The following TSPAN9 variants were observed in gnomAD, a reference collection of about 807,000 sequenced individuals.
TSPAN9 encodes tetraspanin-9.
In TSPAN9, 16 loss-of-function variants were observed where a neutral mutation model predicts 31.0. That is an observed-to-expected ratio of 0.52 (90% confidence interval 0.35 to 0.78). The LOEUF is 0.78. TSPAN9 is among the 30% of genes least tolerant of loss of function. The pLI is 0.01. For missense variants in TSPAN9, 272 were observed against 312.5 expected, an observed-to-expected ratio of 0.87 and a Z score of 0.98; for synonymous variants, 145 against 121.6, an observed-to-expected ratio of 1.19 and a Z score of -1.27.
intron 7 of TSPAN9, 117 bp from the exon 8 acceptor site, chr12:3,281,617 G>A: frequency 7.9e-7 from 1 of 1,263,446 alleles, no homozygotes; most frequent in Non-Finnish European, 1.1e-6. Context: ...GCTGAGGCCA[G>A]GGAGGGCTGG....
intron 2 of TSPAN9, among the ~76,000 whole-genome samples, chr12:3,134,258 T>G (rs955245639): frequency 6.6e-6 from 1 of 152,062 alleles, no homozygotes; most frequent in African/African-American, 2.4e-5. Flanking sequence ...AATGAATGGG[T>G]GATGGGTTGA....
At chr12:3,183,990 A>G (rs2098359775) in intron 2 of TSPAN9, among the ~76,000 whole-genome samples, 1 of 152,152 alleles carries the variant, frequency 6.6e-6, no homozygotes, top group South Asian at 2.1e-4. Context: ...TACAGTTATA[A>G]TAGAAATGTC....
intron 2 of TSPAN9, among the ~76,000 whole-genome samples, chr12:3,195,774 G>C (rs1451419837): frequency 1.3e-5 from 2 of 152,192 alleles, no homozygotes; most frequent in Non-Finnish European, 2.9e-5. Context: ...GCCATGCAAG[G>C]CTTCACAGGG....
intron 3 of TSPAN9, among the ~76,000 whole-genome samples, chr12:3,252,197 C>T (rs769766718): frequency 6.6e-5 from 10 of 152,188 alleles, no homozygotes; most frequent in East Asian, 1.9e-4. Context: ...TAAGACCAGA[C>T]GCCTCTAGTT....
intron 3 of TSPAN9, among the ~76,000 whole-genome samples, chr12:3,276,637 G>T (rs1371832264): frequency 6.6e-6 from 1 of 152,140 alleles, no homozygotes; most frequent in Non-Finnish European, 1.5e-5. Context: ...GTTATTTTCT[G>T]GCTCTTTACA....
chr12:3,201,920 G>A (rs542759393), intron 3 of TSPAN9, among the ~76,000 whole-genome samples: 1 of 152,306 alleles, frequency 6.6e-6, no homozygotes, highest in East Asian at 1.9e-4. Context: ...GCTTTTGAGG[G>A]ATTGCAGTGG....
intron 2 of TSPAN9, among the ~76,000 whole-genome samples, chr12:3,119,028 G>C (rs962900609): frequency 6.6e-6 from 1 of 152,152 alleles, no homozygotes; most frequent in African/African-American, 2.4e-5. Flanking sequence ...ACCGCCTTTG[G>C]GACACTATCA....
At chr12:3,214,325 A>G (rs2098380252) in intron 3 of TSPAN9, among the ~76,000 whole-genome samples, 1 of 152,220 alleles carries the variant, frequency 6.6e-6, no homozygotes, top group Non-Finnish European at 1.5e-5. Flanking sequence ...AGGTGGTGAC[A>G]CTGAAAGGGG....
At chr12:3,163,378 G>T (rs906975990) in intron 2 of TSPAN9, among the ~76,000 whole-genome samples, 2 of 152,158 alleles carry the variant, frequency 1.3e-5, no homozygotes. Context: ...TCTACCCCAT[G>T]GTAAGATATT....
Position 3,109,137 on chromosome 12 carries a change from C to T in TSPAN9, c.-18+25418C>T, listed in dbSNP as rs79124512. ...TTTTTAGTAGAGACGGGGGTTTCACCGTGTTAGCCAGGATGGTCTCGATCT... is the reference window on the plus strand; with the variant it reads ...TTTTTAGTAGAGACGGGGGTTTCACTGTGTTAGCCAGGATGGTCTCGATCT... On this transcript the variant is annotated intron_variant, in intron 2 of 8. Transcript: ENST00000011898. Among the ~76,000 whole-genome samples, 396 of 151,930 alleles carry T rather than the reference C, an allele frequency of 2.6e-3. 9 individuals are homozygous for T. In the East Asian group the frequency reaches 0.043, roughly 17 times the overall value.
At position 3,198,755 on chromosome 12, in the gene TSPAN9, C is replaced by G. The variant is rs879233825; in HGVS notation, c.-17-2422C>G. ...CCAGCACAGGCCACCACCAGCACAG[C>G]TCACCACCAGCACAGGCCACCACCA... is the stretch of plus-strand genomic sequence containing the variant. On this transcript the variant is annotated intron_variant, in intron 2 of 8. Transcript: ENST00000011898. Among the ~76,000 whole-genome samples the G allele has an allele frequency of 9.8e-3, 354 of 35,948 alleles. 7 individuals are homozygous for G. Among genetic ancestry groups the G allele is most frequent in the Non-Finnish European group, 0.015 (242 of 16,224 alleles). 23.6% of individuals were successfully genotyped at this position (35,948 alleles called of 152,430 possible). A position where few individuals can be genotyped will look rare whatever the true frequency, so the allele number is the denominator to read the frequency against.
chr12:3,278,303 C>T, intron 3 of TSPAN9, 118 bp from the exon 4 acceptor site: 1 of 1,427,116 alleles, frequency 7.0e-7, no homozygotes, highest in South Asian at 1.3e-5. Context: ...CCGTTCTCAC[C>T]TTGTCGGTTC....
At chr12:3,166,011 C>T (rs1031021849) in intron 2 of TSPAN9, among the ~76,000 whole-genome samples, 3 of 151,998 alleles carry the variant, frequency 2.0e-5, no homozygotes, top group Non-Finnish European at 4.4e-5. Flanking sequence ...GGGAAGTGGC[C>T]GAGGTGTGGG....
intron 2 of TSPAN9, among the ~76,000 whole-genome samples, chr12:3,101,719 GGT>G (rs1484197369): frequency 6.6e-6 from 1 of 152,088 alleles, no homozygotes; most frequent in Non-Finnish European, 1.5e-5. Context: ...CATTGATCTG[GGT>G]CAGCCCCTTC....
intron 2 of TSPAN9, among the ~76,000 whole-genome samples, chr12:3,095,638 C>CCG (rs1555140338): frequency 1.5e-4 from 21 of 142,836 alleles, no homozygotes; most frequent in African/African-American, 5.4e-4. Flanking sequence ...GCTGACCCCC[C>CCG]CCACCTCCCT....
intron 3 of TSPAN9, among the ~76,000 whole-genome samples, chr12:3,274,425 AGAATC>A: frequency 6.6e-6 from 1 of 152,292 alleles, no homozygotes; most frequent in Admixed American, 6.5e-5. Context: ...TTTTAGGAAA[AGAATC>A]AGGCAGCTCT....
chr12:3,205,700 G>T (rs1435396261), intron 3 of TSPAN9, among the ~76,000 whole-genome samples: 1 of 128,572 alleles, frequency 7.8e-6, no homozygotes, highest in Non-Finnish European at 1.7e-5. Context: ...GGTAACCTGG[G>T]CAGCAAGAGG....
chr12:3,226,774 A>G (rs1443091360), intron 3 of TSPAN9, among the ~76,000 whole-genome samples: 23 of 1,758 alleles, frequency 0.013, 5 homozygotes, highest in African/African-American at 0.043. Context: ...ATATATATAT[A>G]TATATATATA....
chr12:3,146,046 G>A (rs1266021763), intron 2 of TSPAN9, among the ~76,000 whole-genome samples: 2 of 152,216 alleles, frequency 1.3e-5, no homozygotes, highest in Non-Finnish European at 2.9e-5. Flanking sequence ...GCACGAGGAC[G>A]CTTTCCCACT....
Sources: allele counts gnomAD v4.1 joint callset (sites outside exome capture counted in the v4.1 genomes callset), GRCh38; gene constraint gnomAD v4.1.1; transcripts MANE v1.5; gene names NCBI Gene and HGNC (gene_info 2026-07-23, HGNC 2026-07-21).